Variants in MS4A4A observed in about 807,000 individuals in gnomAD.
The protein encoded by MS4A4A is membrane-spanning 4-domains subfamily A member 4A.
In MS4A4A, 26 loss-of-function variants were observed where a neutral mutation model predicts 28.0. That is an observed-to-expected ratio of 0.93 (90% CI 0.68 to 1.29). The LOEUF (loss-of-function observed/expected upper bound fraction) is 1.29. Ranked by LOEUF, MS4A4A falls within the 50% of genes most tolerant of loss-of-function variation. MS4A4A has a pLI of 0.00. For synonymous variants in MS4A4A, 86 were observed against 100.8 expected, an observed-to-expected ratio of 0.85 and a Z score of 0.88; for missense variants, 290 against 293.1, an observed-to-expected ratio of 0.99 and a Z score of 0.08.
intron 3 of MS4A4A, 25 bp downstream of exon 3, chr11:60,297,350 A>G (rs1233854718): frequency 1.2e-6 from 2 of 1,610,452 alleles, no homozygotes; most frequent in African/African-American, 2.7e-5. Flanking sequence ...TTTTGATATA[A>G]TTGAAGATAA....
At chr11:60,300,342 C>T (rs1447308653) in intron 3 of MS4A4A, among the ~76,000 whole-genome samples, 1 of 152,028 alleles carries the variant, frequency 6.6e-6, no homozygotes, top group Non-Finnish European at 1.5e-5. Flanking sequence ...ATTGGCCGGG[C>T]GCAGTGGCTC....
rs76599709 is a variant in MS4A4A at position 60,284,047 on chromosome 11, T to C, written c.41+3331T>C. On this transcript the variant is annotated intron_variant, in intron 1 of 6. Transcript: ENST00000337908. ...CTGCTAAGAAAATTAATTGTACAAGTTTTTGTGCAAACAAGAGATCTTCCA... is the reference window on the plus strand; with the variant it reads ...CTGCTAAGAAAATTAATTGTACAAGCTTTTGTGCAAACAAGAGATCTTCCA... 3.5e-3 allele frequency among the ~76,000 whole-genome samples: 537 copies of C among 152,334 alleles called. 5 individuals are homozygous for C. Among genetic ancestry groups the C allele is most frequent in the Non-Finnish European group, 4.4e-3 (299 of 68,032 alleles).
intron 3 of MS4A4A, among the ~76,000 whole-genome samples, chr11:60,298,048 T>A (rs1416365275): frequency 6.7e-6 from 1 of 150,354 alleles, no homozygotes; most frequent in Non-Finnish European, 1.5e-5. Context: ...TAATTAATAT[T>A]AAATTAATTA....
chr11:60,297,407 C>G, intron 3 of MS4A4A, 82 bp downstream of exon 3: 2 of 1,477,598 alleles, frequency 1.4e-6, no homozygotes, highest in Admixed American at 2.0e-5. Context: ...CTATTCTAAC[C>G]GTATCTTGTA....
intron 5 of MS4A4A, among the ~76,000 whole-genome samples, chr11:60,303,479 G>T (rs2084970941): frequency 6.6e-6 from 1 of 152,162 alleles, no homozygotes; most frequent in Admixed American, 6.5e-5. Flanking sequence ...AAGATGAGGT[G>T]GGTGGGTCAC....
At chr11:60,282,686 T>A (rs1378785605) in intron 1 of MS4A4A, 1 of 1,285,552 alleles carries the variant, frequency 7.8e-7, no homozygotes, top group Admixed American at 2.4e-5. Context: ...TGGAACAACT[T>A]AAATAAGTCA....
At chr11:60,280,802 GA>G (rs1434059150) in intron 1 of MS4A4A, 86 bp downstream of exon 1, 2 of 1,506,896 alleles carry the variant, frequency 1.3e-6, no homozygotes, top group African/African-American at 2.7e-5. Flanking sequence ...AGGGGAATGA[GA>G]AGAATAATGA....
intron 2 of MS4A4A, among the ~76,000 whole-genome samples, chr11:60,294,609 A>T (rs1227278452): frequency 6.6e-6 from 1 of 151,964 alleles, no homozygotes; most frequent in East Asian, 1.9e-4. Context: ...TATGTCTGTG[A>T]TTCATTTTCA....
intron 1 of MS4A4A, among the ~76,000 whole-genome samples, chr11:60,285,365 G>A (rs564622479): frequency 6.6e-6 from 1 of 152,280 alleles, no homozygotes; most frequent in African/African-American, 2.4e-5. Context: ...TTAGCTGGGT[G>A]TGGTGGCACA....
At chr11:60,284,962 G>A (rs1419441879) in intron 1 of MS4A4A, among the ~76,000 whole-genome samples, 4 of 152,164 alleles carry the variant, frequency 2.6e-5, no homozygotes, top group Non-Finnish European at 1.5e-5. Context: ...AGGGAGAAGA[G>A]GTAATTTTTA....
At chr11:60,307,980 C>T in intron 6 of MS4A4A, 127 bp from the exon 7 acceptor site, 1 of 851,314 alleles carries the variant, frequency 1.2e-6, no homozygotes, top group Non-Finnish European at 1.9e-6. Context: ...ACCCCACATA[C>T]TTGATCTTGA....
chr11:60,294,894 T>TA (rs1565145915), intron 2 of MS4A4A, among the ~76,000 whole-genome samples: 1 of 50,162 alleles, frequency 2.0e-5, no homozygotes, highest in Non-Finnish European at 5.0e-5. Context: ...CAACTACTAC[T>TA]TCTTCTTCTT....
intron 2 of MS4A4A, among the ~76,000 whole-genome samples, chr11:60,295,122 C>T (rs919575268): frequency 2.6e-5 from 4 of 151,944 alleles, no homozygotes; most frequent in Admixed American, 2.6e-4. Flanking sequence ...TATCCATGGA[C>T]ATGGAATATC....
chr11:60,292,982 G>T (rs2084871189), intron 2 of MS4A4A, among the ~76,000 whole-genome samples: 1 of 152,180 alleles, frequency 6.6e-6, no homozygotes, highest in Non-Finnish European at 1.5e-5. Context: ...TCATTTTCTG[G>T]AGGGGGGGAA....
intron 1 of MS4A4A, among the ~76,000 whole-genome samples, chr11:60,290,826 T>C (rs1247286325): frequency 6.6e-6 from 1 of 152,158 alleles, no homozygotes; most frequent in Non-Finnish European, 1.5e-5. Flanking sequence ...TTTCCATTGA[T>C]GTATCAAAAA....
intron 3 of MS4A4A, 100 bp downstream of exon 3, chr11:60,297,425 A>T: frequency 7.2e-7 from 1 of 1,383,178 alleles, no homozygotes; most frequent in South Asian, 1.4e-5. Context: ...GTAATTCTGT[A>T]AATCTGAGAG....
chr11:60,299,462 T>TTTTTTTGG (rs2084932782), intron 3 of MS4A4A, among the ~76,000 whole-genome samples: 3 of 150,402 alleles, frequency 2.0e-5, no homozygotes, highest in Non-Finnish European at 3.0e-5. Context: ...TTTTTTTTTT[T>TTTTTTTGG]TTTTTGGTTT....
intron 1 of MS4A4A, among the ~76,000 whole-genome samples, chr11:60,287,267 G>C (rs1294739097): frequency 6.6e-6 from 1 of 152,180 alleles, no homozygotes; most frequent in African/African-American, 2.4e-5. Flanking sequence ...TAGAGGCTGG[G>C]AAGTCTAAAG....
chr11:60,287,231 A>G (rs763972276), intron 1 of MS4A4A, among the ~76,000 whole-genome samples: 5 of 152,208 alleles, frequency 3.3e-5, no homozygotes, highest in Admixed American at 2.0e-4. Context: ...GTAATTTATT[A>G]TAAAATTGTA....
Sources: allele counts gnomAD v4.1 joint callset (sites outside exome capture counted in the v4.1 genomes callset), GRCh38; gene constraint gnomAD v4.1.1; transcripts MANE v1.5; gene names NCBI Gene and HGNC (gene_info 2026-07-23, HGNC 2026-07-21).